ARHGAP22: variants seen among roughly 807,000 people sequenced by gnomAD.
ARHGAP22 encodes the protein Rho GTPase activating protein 22.
Under a neutral mutation model 59.1 loss-of-function variants are expected in ARHGAP22, and 48 were observed. That is an observed-to-expected ratio of 0.81 (90% CI 0.64 to 1.03). The LOEUF (loss-of-function observed/expected upper bound fraction) is 1.03. ARHGAP22 is among the 50% of genes least tolerant of loss of function. The probability of loss-of-function intolerance (pLI) is 0.00; values close to 1 mark genes in which losing one functional copy is unlikely to be tolerated. For missense variants in ARHGAP22, 1,015 were observed against 958.7 expected, an observed-to-expected ratio of 1.06 and a Z score of -0.78; for synonymous variants, 445 against 416.4, an observed-to-expected ratio of 1.07 and a Z score of -0.84.
Position 48,450,642 on chromosome 10 carries a change from G to C in ARHGAP22, c.1487C>G (p.Pro496Arg). The C allele has an allele frequency of 6.5e-7, 1 of 1,550,070 alleles. No individual in the cohort carries two copies. The stretch of plus-strand genomic sequence containing the variant: ...TATGCCGGGGACCAGGCCCGGCGCG[G>C]GCACATTGTCGTAGGTGGAGAGTCT... Reference protein sequence around the residue: ...VQRLSTYDNVPAPGLVPGIPS... With the variant: ...VQRLSTYDNVRAPGLVPGIPS... The change falls in exon 9 of 10, where the codon CCC becomes CGC. Residue 496 changes from proline (P) to arginine (R), a missense_variant. Transcript: ENST00000249601.
chr10:48,560,624 A>G (rs2057626182), intron 2 of ARHGAP22, among the ~76,000 whole-genome samples: 1 of 152,218 alleles, frequency 6.6e-6, no homozygotes, highest in East Asian at 1.9e-4. Flanking sequence ...AAAGTATGAT[A>G]TTAGCTTTCA....
At chr10:48,646,668 C>T (rs1332425241) in intron 1 of ARHGAP22, among the ~76,000 whole-genome samples, 1 of 152,150 alleles carries the variant, frequency 6.6e-6, no homozygotes, top group Non-Finnish European at 1.5e-5. Context: ...ACAACAAAAA[C>T]CCTTCAAACA....
chr10:48,549,763 T>C (rs1188246470), intron 3 of ARHGAP22, among the ~76,000 whole-genome samples: 3 of 152,300 alleles, frequency 2.0e-5, no homozygotes, highest in Middle Eastern at 3.4e-3. Flanking sequence ...CTCCTCTCAC[T>C]CAGTCCGCTT....
intron 3 of ARHGAP22, among the ~76,000 whole-genome samples, chr10:48,549,496 G>T (rs1182794911): frequency 2.0e-5 from 3 of 152,052 alleles, no homozygotes; most frequent in East Asian, 1.9e-4. Flanking sequence ...TGGGGGCAGG[G>T]TGACCAGTCT....
intron 3 of ARHGAP22, among the ~76,000 whole-genome samples, chr10:48,491,731 G>A (rs902688180): frequency 6.6e-6 from 1 of 152,256 alleles, no homozygotes; most frequent in Admixed American, 6.5e-5. Context: ...TGATGAGCGT[G>A]AGTAGTGTGA....
chr10:48,479,694 AC>A lies in ARHGAP22; in HGVS notation c.392del (p.Arg131LeufsTer27), dbSNP rs759806329. 14 of 1,611,744 alleles carry A rather than the reference AC, an allele frequency of 8.7e-6. No individual in the cohort carries two copies. The highest frequency in any genetic ancestry group is 1.7e-5 in the Admixed American group (1 of 59,844). On this transcript the variant is annotated frameshift_variant, in exon 4 of 10. Transcript: ENST00000249601. LOFTEE classifies it high-confidence loss of function. The part of the protein sequence containing the change: ...EALLLMASSQ[R>X]DMEDWVQAIR... ...TGGCCTGCACCCAGTCCTCCATGTC[AC>A]GCTGGGAGCTGGCCATGAGCAGGAG...
downstream of ARHGAP22, among the ~76,000 whole-genome samples, chr10:48,442,424 C>T (rs1459638677): frequency 6.6e-6 from 1 of 152,248 alleles, no homozygotes; most frequent in Non-Finnish European, 1.5e-5. Flanking sequence ...CTCATGTCTC[C>T]TGGCATGGCA....
chr10:48,655,250 TGTGTGTG>T (rs1361303632), upstream of ARHGAP22, among the ~76,000 whole-genome samples: 1 of 2,896 alleles, frequency 3.5e-4, no homozygotes, highest in African/African-American at 1.1e-3. Context: ...GATGTGTGTG[TGTGTGTG>T]GGGGGGGGGG....
At chr10:48,579,026 T>C (rs1005475139) in intron 2 of ARHGAP22, among the ~76,000 whole-genome samples, 1 of 152,214 alleles carries the variant, frequency 6.6e-6, no homozygotes, top group Non-Finnish European at 1.5e-5. Context: ...ATGTTTATTA[T>C]GAGAAACAAA....
intron 2 of ARHGAP22, among the ~76,000 whole-genome samples, chr10:48,557,534 G>T (rs2057385105): frequency 6.6e-6 from 1 of 152,242 alleles, no homozygotes; most frequent in African/African-American, 2.4e-5. Flanking sequence ...AGGTCAGGAA[G>T]GTGATGCAAC....
chr10:48,612,253 C>A (rs749211993), intron 1 of ARHGAP22, among the ~76,000 whole-genome samples: 2 of 152,146 alleles, frequency 1.3e-5, no homozygotes, highest in African/African-American at 2.4e-5. Flanking sequence ...CTCTTCACCT[C>A]ATCTGTTATA....
At chr10:48,478,338 C>T (rs2048937277) in intron 4 of ARHGAP22, among the ~76,000 whole-genome samples, 1 of 152,174 alleles carries the variant, frequency 6.6e-6, no homozygotes, top group African/African-American at 2.4e-5. Flanking sequence ...CTTTCACTCT[C>T]AACATTATAT....
chr10:48,614,023 C>A (rs1204863947), intron 1 of ARHGAP22, among the ~76,000 whole-genome samples: 3 of 151,986 alleles, frequency 2.0e-5, no homozygotes, highest in African/African-American at 7.3e-5. Context: ...AGGCCCTCAC[C>A]AGATGCTGGT....
At chr10:48,599,705 G>A (rs2060269937) in intron 1 of ARHGAP22, among the ~76,000 whole-genome samples, 1 of 152,178 alleles carries the variant, frequency 6.6e-6, no homozygotes, top group Non-Finnish European at 1.5e-5. Context: ...CTGCTCTGTG[G>A]CCCATCAGTT....
At chr10:48,580,811 T>C (rs1235082972) in intron 2 of ARHGAP22, among the ~76,000 whole-genome samples, 2 of 152,108 alleles carry the variant, frequency 1.3e-5, no homozygotes, top group Non-Finnish European at 2.9e-5. Flanking sequence ...TTGGCTCAGA[T>C]TTGAGTATCC....
chr10:48,476,346 C>T (rs999861232), intron 4 of ARHGAP22, among the ~76,000 whole-genome samples: 1 of 152,222 alleles, frequency 6.6e-6, no homozygotes, highest in Non-Finnish European at 1.5e-5. Flanking sequence ...TGGGCTGTCC[C>T]ATCTGCAGCA....
intron 2 of ARHGAP22, among the ~76,000 whole-genome samples, chr10:48,571,594 G>A (rs562088269): frequency 6.6e-6 from 1 of 152,306 alleles, no homozygotes; most frequent in East Asian, 1.9e-4. Context: ...TTGGGACAGT[G>A]GTGATAGTAC....
intron 3 of ARHGAP22, among the ~76,000 whole-genome samples, chr10:48,547,584 C>A (rs2056554699): frequency 6.6e-6 from 1 of 152,232 alleles, no homozygotes; most frequent in Non-Finnish European, 1.5e-5. Flanking sequence ...AGGATGGGGA[C>A]TAGACCCAGG....
chr10:48,652,269 G>T, exon 1 of ARHGAP22: 1 of 1,535,668 alleles, frequency 6.5e-7, no homozygotes. Context: ...CCTTTTGCTG[G>T]AAGCTGTCGG....
Sources: allele counts gnomAD v4.1 joint callset (sites outside exome capture counted in the v4.1 genomes callset), GRCh38; gene constraint gnomAD v4.1.1; transcripts MANE v1.5; gene names NCBI Gene and HGNC (gene_info 2026-07-23, HGNC 2026-07-21).